Variants in DKK2 observed in about 807,000 individuals in gnomAD.
DKK2 encodes dickkopf Wnt signaling pathway inhibitor 2.
DKK2 carries 11 observed loss-of-function variants against 28.1 expected under a neutral mutation model. That is an observed-to-expected ratio of 0.39 (90% CI 0.25 to 0.65). The LOEUF (loss-of-function observed/expected upper bound fraction) is 0.65. Among genes scored for constraint, DKK2 ranks in the 30% least tolerant of loss-of-function variants. The probability of loss-of-function intolerance (pLI) is 0.47; values close to 1 mark genes in which losing one functional copy is unlikely to be tolerated. For synonymous variants in DKK2, 135 were observed against 126.5 expected (o/e 1.07, Z -0.45); for missense variants, 326 against 335.5 (o/e 0.97, Z 0.22).
intron 1 of DKK2, among the ~76,000 whole-genome samples, chr4:107,018,111 C>T (rs1030208736): frequency 2.6e-5 from 4 of 152,036 alleles, no homozygotes; most frequent in African/African-American, 4.8e-5. Context: ...CACACACCCT[C>T]GATCTGAGCT....
intron 1 of DKK2, among the ~76,000 whole-genome samples, chr4:106,997,011 A>G (rs888561092): frequency 1.3e-5 from 2 of 152,198 alleles, no homozygotes; most frequent in African/African-American, 4.8e-5. Context: ...ATTACCTCCA[A>G]ATTGGCACAG....
intron 1 of DKK2, among the ~76,000 whole-genome samples, chr4:106,969,482 T>C (rs539842553): frequency 2.0e-5 from 3 of 152,072 alleles, no homozygotes; most frequent in South Asian, 4.1e-4. Flanking sequence ...AAATTTACTC[T>C]GAAAATTAAT....
chr4:106,971,573 T>C (rs1185152911), intron 1 of DKK2, among the ~76,000 whole-genome samples: 1 of 152,038 alleles, frequency 6.6e-6, no homozygotes, highest in South Asian at 2.1e-4. Context: ...AAATAATGCC[T>C]TAACTAAACA....
At chr4:106,980,270 C>T (rs12503847) in intron 1 of DKK2, among the ~76,000 whole-genome samples, 31,829 of 151,744 alleles carry the variant, frequency 0.21, 3,565 homozygotes, top group East Asian at 0.42. Context: ...CATCTATATA[C>T]TTACATATAT....
chr4:107,003,542 G>T (rs1723393470), intron 1 of DKK2, among the ~76,000 whole-genome samples: 2 of 152,214 alleles, frequency 1.3e-5, no homozygotes, highest in Non-Finnish European at 2.9e-5. Flanking sequence ...GCTAACCAAA[G>T]ATCAGTAGCA....
At chr4:107,000,615 G>C (rs1401055443) in intron 1 of DKK2, among the ~76,000 whole-genome samples, 1 of 152,090 alleles carries the variant, frequency 6.6e-6, no homozygotes, top group African/African-American at 2.4e-5. Flanking sequence ...TATGCTAATT[G>C]AAGGGACCCT....
chr4:107,003,620 A>G (rs1027061923), intron 1 of DKK2, among the ~76,000 whole-genome samples: 5 of 152,220 alleles, frequency 3.3e-5, no homozygotes, highest in Non-Finnish European at 7.3e-5. Context: ...CACAGATGGT[A>G]GTTGTGCCCC....
chr4:106,932,430 C>G (rs959676664), intron 1 of DKK2, among the ~76,000 whole-genome samples: 1 of 152,128 alleles, frequency 6.6e-6, no homozygotes, highest in African/African-American at 2.4e-5. Context: ...AGGGAATGCT[C>G]TACTTGGAAC....
At chr4:106,996,478 C>T (rs1045789694) in intron 1 of DKK2, among the ~76,000 whole-genome samples, 6 of 152,090 alleles carry the variant, frequency 3.9e-5, no homozygotes, top group Admixed American at 1.3e-4. Context: ...ATAAACTATA[C>T]GAAATCACAT....
chr4:106,942,301 C>T (rs1724711854), intron 1 of DKK2, among the ~76,000 whole-genome samples: 2 of 152,122 alleles, frequency 1.3e-5, no homozygotes, highest in South Asian at 4.1e-4. Context: ...GTGACCAGTA[C>T]ATTCTCAATA....
chr4:106,934,113 T>G (rs1724544379), intron 1 of DKK2, among the ~76,000 whole-genome samples: 1 of 151,248 alleles, frequency 6.6e-6, no homozygotes, highest in African/African-American at 2.4e-5. Context: ...TTAGCTCAAG[T>G]TATCTCAGGA....
At chr4:107,010,191 T>A (rs999186497) in intron 1 of DKK2, among the ~76,000 whole-genome samples, 3 of 151,774 alleles carry the variant, frequency 2.0e-5, no homozygotes, top group African/African-American at 7.2e-5. Flanking sequence ...ACTCATAGTA[T>A]GTGATTTTAT....
chr4:106,935,269 G>C (rs1021651895), intron 1 of DKK2, among the ~76,000 whole-genome samples: 1 of 152,184 alleles, frequency 6.6e-6, no homozygotes, highest in Non-Finnish European at 1.5e-5. Flanking sequence ...CACCGTGTGC[G>C]AGCCAAAGCA....
chr4:107,010,502 A>G (rs1723500876), intron 1 of DKK2, among the ~76,000 whole-genome samples: 1 of 151,662 alleles, frequency 6.6e-6, no homozygotes, highest in African/African-American at 2.4e-5. Context: ...TCCTACTTCT[A>G]GACAATACTT....
chr4:106,999,473 C>T (rs369258682), intron 1 of DKK2, among the ~76,000 whole-genome samples: 15 of 152,062 alleles, frequency 9.9e-5, no homozygotes, highest in East Asian at 5.8e-4. Flanking sequence ...CAGCCTCCTA[C>T]GGAGCTGGGA....
chr4:106,948,592 T>A (rs1255429946), intron 1 of DKK2, among the ~76,000 whole-genome samples: 1 of 152,164 alleles, frequency 6.6e-6, no homozygotes, highest in Non-Finnish European at 1.5e-5. Flanking sequence ...AGATTAGAAT[T>A]AAATGTCTTT....
chr4:106,937,968 A>T (rs1724625837), intron 1 of DKK2, among the ~76,000 whole-genome samples: 1 of 145,212 alleles, frequency 6.9e-6, no homozygotes. Context: ...CATTCAAAGC[A>T]GTGTGTAGAG....
Position 106,980,268 on chromosome 4 carries a change from T to C in DKK2, c.223-54319A>G, listed in dbSNP as rs12507885. 1.2e-4 allele frequency among the ~76,000 whole-genome samples: 18 copies of C among 152,016 alleles called. No homozygotes were observed. In the East Asian group the frequency reaches 2.7e-3, roughly 23 times the overall value. On this transcript the variant is annotated intron_variant, in intron 1 of 3. Coordinates refer to ENST00000285311, the MANE Select transcript of DKK2 (RefSeq NM_014421.3). ...TATCTTTACTATCTACACATCTATA[T>C]ACTTACATATATTAATTTATATCTA...
chr4:106,933,095 A>G (rs1390898022), intron 1 of DKK2, among the ~76,000 whole-genome samples: 1 of 152,168 alleles, frequency 6.6e-6, no homozygotes, highest in Non-Finnish European at 1.5e-5. Flanking sequence ...CTTCTAATAG[A>G]GATTCTATTT....
Sources: gnomAD v4.1 joint callset for allele counts (sites outside exome capture counted in the v4.1 genomes callset) on GRCh38, gnomAD v4.1.1 for gene constraint, MANE v1.5 for transcripts, NCBI Gene and HGNC (gene_info 2026-07-23, HGNC 2026-07-21) for gene names.